The following MFHAS1 variants were observed in gnomAD, a reference collection of about 807,000 sequenced individuals.
The protein encoded by MFHAS1 is multifunctional ROCO family signaling regulator 1.
MFHAS1 carries 50 observed loss-of-function variants against 70.4 expected under a neutral mutation model. The ratio of observed to expected loss-of-function variants is 0.71; its 90% CI spans 0.57 to 0.90. MFHAS1 has a LOEUF of 0.90. Among genes scored for constraint, MFHAS1 ranks in the 40% least tolerant of loss-of-function variants. MFHAS1 has a pLI of 0.00. For synonymous variants in MFHAS1, 952 were observed against 620.0 expected (o/e 1.54, Z -7.96); for missense variants, 1,795 against 1,347.6 (o/e 1.33, Z -5.20).
chr8:8,802,717 G>GTGC (rs1554476342), intron 1 of MFHAS1, among the ~76,000 whole-genome samples: 1 of 152,176 alleles, frequency 6.6e-6, no homozygotes, highest in South Asian at 2.1e-4. Context: ...AAGCTAGCAG[G>GTGC]CAGGGGACTG....
intron 1 of MFHAS1, among the ~76,000 whole-genome samples, chr8:8,805,233 G>T (rs1431611161): frequency 6.6e-6 from 1 of 152,022 alleles, no homozygotes; most frequent in Admixed American, 6.5e-5. Flanking sequence ...TTATATAGTT[G>T]ACCCTTGAAC....
intron 1 of MFHAS1, among the ~76,000 whole-genome samples, chr8:8,880,469 G>C (rs543134147): frequency 6.6e-6 from 1 of 152,280 alleles, no homozygotes; most frequent in Non-Finnish European, 1.5e-5. Flanking sequence ...TCAGTCATCA[G>C]GGCTTGACTC....
At position 8,891,682 on chromosome 8, in the gene MFHAS1, C is replaced by T. The variant is rs1353438656; in HGVS notation, c.1377G>A (p.Glu459=). The T allele has an allele frequency of 1.2e-6, 2 of 1,613,492 alleles. No homozygotes were observed. Among genetic ancestry groups the T allele is most frequent in the African/African-American group, 2.7e-5 (2 of 74,930 alleles). Residue 459 remains glutamate, a synonymous_variant, in exon 1 of 3, where the codon GAG becomes GAA. Coordinates refer to ENST00000276282, the MANE Select transcript of MFHAS1 (RefSeq NM_004225.3). This position sits in a 1 kb window ranked among gnomAD's most constrained non-coding sequence, Gnocchi z 5.4. ...PSPPPVSKGI[E]VTSWTADASR... ...AGGCATCGGCCGTCCAGCTGGTCAC[C>T]TCGATGCCCTTGCTCACAGGGGGAG... is the stretch of plus-strand genomic sequence containing the variant.
At chr8:8,875,097 G>C (rs979328872) in intron 1 of MFHAS1, among the ~76,000 whole-genome samples, 4 of 152,202 alleles carry the variant, frequency 2.6e-5, no homozygotes, top group Admixed American at 1.3e-4. Context: ...CCAATGTTGA[G>C]GAGGTACAGT....
chr8:8,824,102 A>C (rs1233607233), intron 1 of MFHAS1, among the ~76,000 whole-genome samples: 1 of 151,584 alleles, frequency 6.6e-6, no homozygotes, highest in Non-Finnish European at 1.5e-5. Flanking sequence ...AAATCTATGC[A>C]TCCGTACAGC....
chr8:8,794,552 T>C (rs781192417), intron 2 of MFHAS1, among the ~76,000 whole-genome samples: 1 of 152,190 alleles, frequency 6.6e-6, no homozygotes. Flanking sequence ...AGGCTTCACA[T>C]CTACGTGTGC....
chr8:8,843,244 C>G (rs547440913), intron 1 of MFHAS1, among the ~76,000 whole-genome samples: 1 of 147,512 alleles, frequency 6.8e-6, no homozygotes, highest in South Asian at 2.2e-4. Context: ...AGTCCGCAGT[C>G]CCGCCTGGGC....
chr8:8,832,050 G>A (rs1252729962), intron 1 of MFHAS1, among the ~76,000 whole-genome samples: 7 of 31,282 alleles, frequency 2.2e-4, no homozygotes, highest in East Asian at 4.0e-3. Context: ...GCACATGCAC[G>A]CGCGCGCGCG....
At chr8:8,823,994 G>T (rs991772053) in intron 1 of MFHAS1, among the ~76,000 whole-genome samples, 25 of 147,146 alleles carry the variant, frequency 1.7e-4, no homozygotes, top group Admixed American at 9.9e-4. Flanking sequence ...AAATAGGAGA[G>T]ATTTAATTTT....
intron 2 of MFHAS1, among the ~76,000 whole-genome samples, chr8:8,791,954 G>A (rs116222849): frequency 6.6e-6 from 1 of 152,146 alleles, no homozygotes; most frequent in Non-Finnish European, 1.5e-5. Context: ...TTAAAACTCA[G>A]AAATCGGCCA....
chr8:8,848,253 C>T (rs896583845), intron 1 of MFHAS1, among the ~76,000 whole-genome samples: 1 of 152,158 alleles, frequency 6.6e-6, no homozygotes, highest in Non-Finnish European at 1.5e-5. Flanking sequence ...ATCATTTCTC[C>T]AACATTTATC....
In MFHAS1 at chr8:8,802,847, G is replaced by A. The variant is rs1368967432; in HGVS notation, c.2999-5356C>T. Among the ~76,000 whole-genome samples, 5 of 152,194 alleles carry A rather than the reference G, an allele frequency of 3.3e-5. No homozygotes were observed. The South Asian group carries it at 1.0e-3, about 32-fold the overall frequency. On this transcript the variant is annotated intron_variant, in intron 1 of 2. Transcript: ENST00000276282. ...TGATGAGGCAACAGCTGTGGTCCCTGGAAGGCCACCCACACGGGATGCTGA... is the reference window on the plus strand; with the variant it reads ...TGATGAGGCAACAGCTGTGGTCCCTAGAAGGCCACCCACACGGGATGCTGA...
In MFHAS1 at chr8:8,892,212, T is replaced by C; in HGVS notation, c.847A>G (p.Asn283Asp). 2 of 1,610,508 alleles carry C rather than the reference T, an allele frequency of 1.2e-6. No homozygotes were observed. Among genetic ancestry groups the C allele is most frequent in the Non-Finnish European group, 1.7e-6 (2 of 1,179,988 alleles). Residue 283 changes from asparagine to aspartate, a missense_variant, in exon 1 of 3, where the codon AAC becomes GAC. By Grantham distance (23) the Asn-to-Asp change is conservative. Coordinates refer to ENST00000276282, the MANE Select transcript of MFHAS1 (RefSeq NM_004225.3). The surrounding 1 kb of genome is among the most constrained non-coding windows in gnomAD (Gnocchi z 4.7). ...QRLKMLNLSS[N>D]LFEEFPAALL... ...GCGGCAGGGAACTCCTCGAAGAGGTTGGAGGAGAGGTTGAGCATTTTGAGC... is the reference window on the plus strand; with the variant it reads ...GCGGCAGGGAACTCCTCGAAGAGGTCGGAGGAGAGGTTGAGCATTTTGAGC...
intron 1 of MFHAS1, among the ~76,000 whole-genome samples, chr8:8,832,060 GCGCACACACACACA>G (rs1366536309): frequency 2.0e-5 from 3 of 148,694 alleles, no homozygotes; most frequent in African/African-American, 7.6e-5. Context: ...GCGCGCGCGC[GCGCACACACACACA>G]CACACACACA....
intron 1 of MFHAS1, among the ~76,000 whole-genome samples, chr8:8,833,016 C>T (rs1415351812): frequency 2.6e-5 from 4 of 152,214 alleles, no homozygotes; most frequent in East Asian, 1.9e-4. Flanking sequence ...AGGGCCTCAA[C>T]GAGCTTTTAC....
intron 1 of MFHAS1, among the ~76,000 whole-genome samples, chr8:8,854,454 G>A (rs1001631628): frequency 1.3e-5 from 2 of 151,902 alleles, no homozygotes; most frequent in Admixed American, 6.6e-5. Flanking sequence ...CCGGGAGGCC[G>A]TACTTGCAGT....
chr8:8,846,294 GATAA>G (rs1808033113), intron 1 of MFHAS1, among the ~76,000 whole-genome samples: 2 of 106,816 alleles, frequency 1.9e-5, no homozygotes, highest in African/African-American at 8.1e-5. Context: ...GGGGGAGGAG[GATAA>G]GAAGGAGGAG....
chr8:8,799,425 G>C (rs995810319), intron 1 of MFHAS1, among the ~76,000 whole-genome samples: 9 of 152,200 alleles, frequency 5.9e-5, no homozygotes, highest in African/African-American at 1.9e-4. Context: ...CACTGTATCT[G>C]CTGACGTATA....
In MFHAS1 at chr8:8,890,946, A is replaced by G; in HGVS notation, c.2113T>C (p.Ser705Pro). The change falls in exon 1 of 3, where the codon TCC becomes CCC. Residue 705 changes from serine (S) to proline (P), a missense_variant. Coordinates refer to ENST00000276282, the MANE Select transcript of MFHAS1 (RefSeq NM_004225.3). ...LTEDRLQSAL[S>P]YLHESGKLLY... The stretch of plus-strand genomic sequence containing the variant: ...AGCTTGCCGCTCTCATGCAGGTAGG[A>G]GAGGGCACTCTGCAGTCGGTCCTCG... 1 of 1,614,044 alleles carries G rather than the reference A, an allele frequency of 6.2e-7. No individual in the cohort carries two copies. Among genetic ancestry groups the G allele is most frequent in the Non-Finnish European group, 8.5e-7 (1 of 1,180,028 alleles).
Sources: allele counts gnomAD v4.1 joint callset (sites outside exome capture counted in the v4.1 genomes callset), GRCh38; gene constraint gnomAD v4.1.1; non-coding constraint Gnocchi (gnomAD v3.1); transcripts MANE v1.5; gene names NCBI Gene and HGNC (gene_info 2026-07-23, HGNC 2026-07-21).